Variants in PRDM2 observed in about 807,000 individuals in gnomAD.
PRDM2 encodes the protein PR domain zinc finger protein 2.
Under a neutral mutation model 130.0 loss-of-function variants are expected in PRDM2, and 30 were observed. The ratio of observed to expected loss-of-function variants is 0.23; its 90% confidence interval spans 0.17 to 0.31. The LOEUF is 0.31. PRDM2 is among the 10% of genes least tolerant of loss of function. PRDM2 has a pLI of 1.00. For missense variants in PRDM2, 2,011 were observed against 2,108.4 expected (o/e 0.95, Z 0.90); for synonymous variants, 871 against 782.4 (o/e 1.11, Z -1.89).
intron 5 of PRDM2, 71 bp from the exon 6 acceptor site, chr1:13,749,290 G>C: frequency 7.8e-7 from 1 of 1,274,588 alleles, no homozygotes. Context: ...CCCGCGTCCC[G>C]GTGCGCGCCC....
chr1:13,779,105 G>A lies in PRDM2; in HGVS notation c.1310G>A (p.Gly437Glu), dbSNP rs147642293. Residue 437 changes from glycine (G) to glutamate (E), a missense_variant, in exon 8 of 10, where the codon GGA becomes GAA. By Grantham distance (98) the Gly-to-Glu change is moderately conservative (BLOSUM62 -2). This residue lies in a region of PRDM2 where 1,288 missense variants were observed against 1,237.7 expected (regional missense o/e 1.04). Transcript: ENST00000311066. This position sits in a 1 kb window ranked among gnomAD's most constrained non-coding sequence, Gnocchi z 4.9. ...SEDLADGKAS[G>E]ENVASKDDSS... Reference sequence around the variant, plus strand: ...GATCTGGCTGATGGCAAAGCATCTGGAGAAAACGTTGCTTCAAAAGATGAT... The same window carrying A: ...GATCTGGCTGATGGCAAAGCATCTGAAGAAAACGTTGCTTCAAAAGATGAT... 1 of 1,614,060 alleles carries A rather than the reference G, an allele frequency of 6.2e-7. No homozygotes were observed. Among genetic ancestry groups the A allele is most frequent in the Non-Finnish European group, 8.5e-7 (1 of 1,180,044 alleles).
intron 2 of PRDM2, among the ~76,000 whole-genome samples, chr1:13,718,661 A>G (rs775456597): frequency 5.9e-5 from 9 of 152,212 alleles, no homozygotes; most frequent in Middle Eastern, 6.8e-3. Context: ...ATTAGAGCCC[A>G]GCTTGCTCTG....
chr1:13,769,853 G>C (rs909375584), intron 6 of PRDM2, among the ~76,000 whole-genome samples: 1 of 152,188 alleles, frequency 6.6e-6, no homozygotes, highest in Non-Finnish European at 1.5e-5. Flanking sequence ...ATCTAGTCCA[G>C]TGGTTCTTAA....
rs1238399492 is a variant in PRDM2 at position 13,788,987 on chromosome 1, A to T, written c.5036+6156A>T. Among the ~76,000 whole-genome samples, 5 of 152,088 alleles carry T rather than the reference A, an allele frequency of 3.3e-5. No individual in the cohort carries two copies. The South Asian group carries it at 8.3e-4, about 25-fold the overall frequency. On this transcript the variant is annotated intron_variant, in intron 8 of 9. Coordinates refer to ENST00000311066, the MANE Select transcript of PRDM2 (RefSeq NM_001393986.1). ...TTCTGAGTGCGCCCTCTAGGAGGAG[A>T]TCTTTTCTCCTGGATCAAGATGCTG...
At chr1:13,811,993 C>T (rs758820602) in intron 8 of PRDM2, among the ~76,000 whole-genome samples, 3 of 152,144 alleles carry the variant, frequency 2.0e-5, no homozygotes, top group Non-Finnish European at 2.9e-5. Flanking sequence ...ACACAGAGTG[C>T]GTGAGGGGAC....
intron 8 of PRDM2, among the ~76,000 whole-genome samples, chr1:13,800,914 G>A (rs888405465): frequency 2.0e-5 from 3 of 152,170 alleles, no homozygotes; most frequent in East Asian, 1.9e-4. Context: ...CGAAGTTGGC[G>A]TTAGGCCCGT....
At chr1:13,783,122 A>G in intron 8 of PRDM2, 1 of 617,820 alleles carries the variant, frequency 1.6e-6, no homozygotes, top group Admixed American at 2.6e-5. Flanking sequence ...CTAAGAAAAG[A>G]TGCAATCCTC....
intron 9 of PRDM2, among the ~76,000 whole-genome samples, chr1:13,821,393 T>C (rs1201587806): frequency 2.0e-5 from 3 of 152,076 alleles, no homozygotes; most frequent in Non-Finnish European, 4.4e-5. Context: ...ACTGTATCCC[T>C]GAACTTGGCC....
At chr1:13,811,825 G>A (rs1645177683) in intron 8 of PRDM2, among the ~76,000 whole-genome samples, 1 of 152,234 alleles carries the variant, frequency 6.6e-6, no homozygotes, top group African/African-American at 2.4e-5. Context: ...CACTAAGGTG[G>A]GGAGGTCAGA....
intron 1 of PRDM2, among the ~76,000 whole-genome samples, chr1:13,701,920 T>A (rs1453495572): frequency 6.6e-6 from 1 of 152,236 alleles, no homozygotes; most frequent in East Asian, 1.9e-4. Flanking sequence ...TTCAGGTTTG[T>A]TTTTTCCTTA....
chr1:13,799,590 C>T (rs998593778), intron 8 of PRDM2, among the ~76,000 whole-genome samples: 5 of 152,166 alleles, frequency 3.3e-5, no homozygotes, highest in Admixed American at 1.3e-4. Flanking sequence ...TTAGTTTGAG[C>T]GACCCACCAA....
intron 7 of PRDM2, among the ~76,000 whole-genome samples, chr1:13,777,729 C>T (rs548397016): frequency 6.9e-6 from 1 of 144,536 alleles, no homozygotes; most frequent in East Asian, 2.1e-4. Flanking sequence ...CCTTCTACCA[C>T]CCACCTCAGG....
intron 8 of PRDM2, among the ~76,000 whole-genome samples, chr1:13,805,630 C>T (rs72869956): frequency 0.022 from 3,286 of 152,314 alleles, 112 homozygotes; most frequent in African/African-American, 0.075. Context: ...CTGCCTTTCC[C>T]CTACCTTCAG....
intron 2 of PRDM2, among the ~76,000 whole-genome samples, chr1:13,725,769 G>A (rs993313848): frequency 9.9e-5 from 15 of 152,208 alleles, no homozygotes; most frequent in African/African-American, 3.4e-4. Flanking sequence ...CAACATCTTA[G>A]TGTTGTTATA....
chr1:13,709,031 A>T (rs1642291125), intron 1 of PRDM2, among the ~76,000 whole-genome samples: 1 of 152,230 alleles, frequency 6.6e-6, no homozygotes, highest in South Asian at 2.1e-4. Flanking sequence ...ATTATTTTAG[A>T]AAAGGAAAAC....
At chr1:13,730,944 C>A (rs200551782) in intron 2 of PRDM2, 56 bp from the exon 3 acceptor site, 61 of 1,160,656 alleles carry the variant, frequency 5.3e-5, no homozygotes, top group Admixed American at 7.6e-5. Context: ...AAAAAAAAAA[C>A]CCATGATTTG....
At chr1:13,735,876 TC>T (rs1643252902) in intron 4 of PRDM2, among the ~76,000 whole-genome samples, 1 of 152,094 alleles carries the variant, frequency 6.6e-6, no homozygotes, top group Non-Finnish European at 1.5e-5. Context: ...TCATTGAAAC[TC>T]CTATCATCCA....
At chr1:13,730,307 A>G (rs891516073) in intron 2 of PRDM2, among the ~76,000 whole-genome samples, 2 of 152,218 alleles carry the variant, frequency 1.3e-5, no homozygotes, top group African/African-American at 4.8e-5. Context: ...TTTTCTTAAG[A>G]TTATGATGAA....
intron 8 of PRDM2, among the ~76,000 whole-genome samples, chr1:13,814,641 C>T (rs947644947): frequency 6.6e-6 from 1 of 152,214 alleles, no homozygotes; most frequent in African/African-American, 2.4e-5. Flanking sequence ...TAGCAGCACC[C>T]TTCCCTCAGG....
Sources: allele counts gnomAD v4.1 joint callset (sites outside exome capture counted in the v4.1 genomes callset), GRCh38; gene constraint gnomAD v4.1.1; regional missense constraint gnomAD v4.1.1; non-coding constraint Gnocchi (gnomAD v3.1); transcripts MANE v1.5; gene names NCBI Gene and HGNC (gene_info 2026-07-23, HGNC 2026-07-21).